ACBD6: variants seen among roughly 807,000 people sequenced by gnomAD.
ACBD6 encodes acyl-CoA-binding domain-containing protein 6.
In ACBD6, 28 loss-of-function variants were observed where a neutral mutation model predicts 37.2. That is an observed-to-expected ratio of 0.75 (90% CI 0.56 to 1.03). ACBD6 has a LOEUF of 1.03. Among genes scored for constraint, ACBD6 ranks in the 50% least tolerant of loss-of-function variants. The probability of loss-of-function intolerance (pLI) is 0.00; values close to 1 mark genes in which losing one functional copy is unlikely to be tolerated. For missense variants in ACBD6, 340 were observed against 337.4 expected (o/e 1.01, Z -0.06); for synonymous variants, 113 against 126.8 (o/e 0.89, Z 0.73).
intron 3 of ACBD6, among the ~76,000 whole-genome samples, chr1:180,442,641 C>A (rs1198702548): frequency 1.3e-5 from 2 of 152,014 alleles, no homozygotes; most frequent in African/African-American, 4.8e-5. Context: ...AAGTTCTGTT[C>A]TTTTTTTGTT....
At chr1:180,413,264 C>T in intron 5 of ACBD6, 102 bp downstream of exon 5, 1 of 838,942 alleles carries the variant, frequency 1.2e-6, no homozygotes, top group Non-Finnish European at 2.1e-6. Context: ...CTTAACCATA[C>T]TGTACTTTGA....
chr1:180,448,183 CT>C (rs1646279693), intron 3 of ACBD6, among the ~76,000 whole-genome samples: 1 of 152,126 alleles, frequency 6.6e-6, no homozygotes, highest in Admixed American at 6.5e-5. Flanking sequence ...TGGTATTAGT[CT>C]TTTGGAAAGT....
chr1:180,401,081 ACT>A (rs1025668725), intron 5 of ACBD6, among the ~76,000 whole-genome samples: 28 of 152,148 alleles, frequency 1.8e-4, no homozygotes, highest in African/African-American at 6.8e-4. Context: ...AATTTTTAAA[ACT>A]CTTCTGGAAA....
intron 6 of ACBD6, among the ~76,000 whole-genome samples, chr1:180,356,463 C>A (rs904759364): frequency 6.6e-6 from 1 of 152,082 alleles, no homozygotes; most frequent in African/African-American, 2.4e-5. Flanking sequence ...TGAACCACTG[C>A]ACCCGGCCTA....
rs142151150 is a variant in ACBD6 at position 180,502,230 on chromosome 1, C to T, written c.37G>A (p.Gly13Ser). Residue 13 changes from glycine to serine, a missense_variant, in exon 1 of 8, where the codon GGC becomes AGC. Gly to Ser is a moderately conservative substitution (Grantham distance 56). Coordinates refer to ENST00000367595, the MANE Select transcript of ACBD6 (RefSeq NM_032360.4). ...GAGCTCAGCTCTCCACCGCTGTCGC[C>T]GGTGATGGCCCCCGCGGGCAGGAAT... ...SSFLPAGAIT[G>S]DSGGELSSGD... The T allele has an allele frequency of 8.7e-6, 14 of 1,613,652 alleles. No homozygotes were observed. Among genetic ancestry groups the T allele is most frequent in the Non-Finnish European group, 1.2e-5 (14 of 1,180,048 alleles).
intron 3 of ACBD6, among the ~76,000 whole-genome samples, chr1:180,485,715 T>C (rs1255384631): frequency 6.6e-6 from 1 of 152,228 alleles, no homozygotes; most frequent in African/African-American, 2.4e-5. Flanking sequence ...TGTGGTACTT[T>C]ACTACAGTAG....
chr1:180,314,764 T>C lies in ACBD6; in HGVS notation c.664-42A>G. The stretch of plus-strand genomic sequence containing the variant: ...TAATACATTTTAGAAGTCTAAGTAA[T>C]TGCAAAAGTATGAAAGTACATAAAC... On this transcript the variant is annotated intron_variant, in intron 6 of 7. Coordinates refer to ENST00000367595, the MANE Select transcript of ACBD6 (RefSeq NM_032360.4). 1 of 1,425,140 alleles carries C rather than the reference T, an allele frequency of 7.0e-7. No homozygotes were observed. The highest frequency in any genetic ancestry group is 9.9e-7 in the Non-Finnish European group (1 of 1,011,988). The allele number at this position is 1,425,140 out of a possible 1,614,324, so 88.3% of individuals were successfully genotyped here.
rs543736335 is a variant in ACBD6, at chr1:180,301,351, T to A, written c.695-12834A>T. Reference sequence around the variant, plus strand: ...TCTCCAAAAACTTAACTACTAATATTCTATGGCTGACTAGTAGCCTTACCA... The same window carrying A: ...TCTCCAAAAACTTAACTACTAATATACTATGGCTGACTAGTAGCCTTACCA... On this transcript the variant is annotated intron_variant, in intron 7 of 7. Coordinates refer to ENST00000367595, the MANE Select transcript of ACBD6 (RefSeq NM_032360.4). Among the ~76,000 whole-genome samples, 7 of 152,280 alleles carry A rather than the reference T, an allele frequency of 4.6e-5. 1 individual carries two copies. The South Asian group carries it at 1.4e-3, about 32-fold the overall frequency.
At chr1:180,406,686 T>C (rs1442146784) in intron 5 of ACBD6, among the ~76,000 whole-genome samples, 1 of 152,180 alleles carries the variant, frequency 6.6e-6, no homozygotes, top group Non-Finnish European at 1.5e-5. Flanking sequence ...ATTAAATTTC[T>C]TTATGTGCTC....
chr1:180,276,383 C>T (rs1415596887), intron 9 of ACBD6: 3 of 152,236 alleles, frequency 2.0e-5, no homozygotes, highest in African/African-American at 7.2e-5. Flanking sequence ...CCGGGATCAG[C>T]CTTCGGGCCC....
rs1309887054 is a variant in ACBD6, at chr1:180,433,440, AGTG to A, written c.385-3181_385-3179del. Among the ~76,000 whole-genome samples, 4 of 152,334 alleles carry A rather than the reference AGTG, an allele frequency of 2.6e-5. No homozygotes were observed. In the East Asian group the frequency reaches 5.8e-4, roughly 22 times the overall value. ...AAAGGCCACAGCTAACAACATACTC[AGTG>A]GTGGAAAACTGAAAGCTTTCTTTCT... On this transcript the variant is annotated intron_variant, in intron 3 of 7. Coordinates refer to ENST00000367595, the MANE Select transcript of ACBD6 (RefSeq NM_032360.4).
chr1:180,437,863 C>T (rs138218251), intron 3 of ACBD6, among the ~76,000 whole-genome samples: 10 of 152,230 alleles, frequency 6.6e-5, no homozygotes, highest in South Asian at 2.1e-4. Context: ...GTGAGTCTTG[C>T]AGGTATCTGG....
chr1:180,435,020 C>G (rs74865683), intron 3 of ACBD6: 2 of 967,946 alleles, frequency 2.1e-6, no homozygotes, highest in African/African-American at 3.2e-5. Flanking sequence ...AATGGAACAC[C>G]GACAATACAC....
intron 4 of ACBD6, among the ~76,000 whole-genome samples, chr1:180,414,290 A>T (rs556933678): frequency 6.6e-6 from 1 of 152,232 alleles, no homozygotes; most frequent in South Asian, 2.1e-4. Context: ...TGTGGACTGA[A>T]TTTTATGAAC....
At position 180,296,622 on chromosome 1, in the gene ACBD6, G is replaced by A. The variant is rs143926808; in HGVS notation, c.695-8105C>T. 9.5e-3 allele frequency among the ~76,000 whole-genome samples: 1,445 copies of A among 151,892 alleles called. 22 individuals carry two copies. The highest frequency in any genetic ancestry group is 0.033 in the African/African-American group (1,355 of 41,474). ...ATTTTTGTATTTTTGGTAGAGAAGGGGTTTCACCATGTTGGCCAGGCTGGT... is the reference window on the plus strand; with the variant it reads ...ATTTTTGTATTTTTGGTAGAGAAGGAGTTTCACCATGTTGGCCAGGCTGGT... On this transcript the variant is annotated intron_variant, in intron 7 of 7. Transcript: ENST00000367595.
chr1:180,313,221 A>T (rs1262771680), intron 7 of ACBD6, among the ~76,000 whole-genome samples: 2 of 152,184 alleles, frequency 1.3e-5, no homozygotes, highest in Non-Finnish European at 2.9e-5. Context: ...CATAAGTAAG[A>T]CTGACTCACA....
intron 7 of ACBD6, among the ~76,000 whole-genome samples, chr1:180,295,976 T>C (rs893978370): frequency 2.6e-5 from 4 of 152,198 alleles, no homozygotes; most frequent in African/African-American, 9.7e-5. Flanking sequence ...AATGAAGGCA[T>C]GTCAAAAACC....
At chr1:180,348,622 G>A (rs558456471) in intron 6 of ACBD6, among the ~76,000 whole-genome samples, 1 of 152,350 alleles carries the variant, frequency 6.6e-6, no homozygotes, top group South Asian at 2.1e-4. Context: ...GGATTGGTAG[G>A]TGTTAGTATG....
chr1:180,349,700 CTTGT>C (rs1307132388), intron 6 of ACBD6, among the ~76,000 whole-genome samples: 2 of 151,884 alleles, frequency 1.3e-5, no homozygotes, highest in African/African-American at 4.8e-5. Context: ...GTCGTATGAC[CTTGT>C]TTATTAGTGG....
Sources: allele counts gnomAD v4.1 joint callset (sites outside exome capture counted in the v4.1 genomes callset), GRCh38; gene constraint gnomAD v4.1.1; transcripts MANE v1.5; gene names NCBI Gene and HGNC (gene_info 2026-07-23, HGNC 2026-07-21).